Variants in BACH2 observed in about 807,000 individuals in gnomAD.
BACH2 encodes the protein transcription regulator protein BACH2.
A neutral mutation model predicts 61.8 loss-of-function variants in BACH2; 5 were observed. The observed-to-expected ratio is 0.08, with a 90% confidence interval of 0.04 to 0.17. The LOEUF (loss-of-function observed/expected upper bound fraction) is 0.17, where lower values mean the gene tolerates loss of function less well. Ranked by LOEUF, BACH2 falls within the 10% of genes least tolerant of loss-of-function variation. The probability of loss-of-function intolerance (pLI) is 1.00; values close to 1 mark genes in which losing one functional copy is unlikely to be tolerated. For missense variants in BACH2, 824 were observed against 1,091.1 expected, an observed-to-expected ratio of 0.76 and a Z score of 3.45; for synonymous variants, 446 against 440.1, an observed-to-expected ratio of 1.01 and a Z score of -0.17.
intron 3 of BACH2, among the ~76,000 whole-genome samples, chr6:90,216,036 C>T (rs1769524122): frequency 1.3e-5 from 2 of 152,188 alleles, no homozygotes; most frequent in African/African-American, 2.4e-5. Flanking sequence ...GAAGCAAAGA[C>T]AGCAAGAAAT....
At chr6:90,176,888 C>T (rs1768001351) in intron 4 of BACH2, among the ~76,000 whole-genome samples, 1 of 152,132 alleles carries the variant, frequency 6.6e-6, no homozygotes, top group African/African-American at 2.4e-5. Flanking sequence ...GACCCATATC[C>T]ACCCAGAGTA....
chr6:90,015,134 T>C lies in BACH2; in HGVS notation c.-12-6278A>G, dbSNP rs547440674. ...CTAATATGGGTTGAATCTGTACTGA[T>C]GCCACCTCTCATATTACTGATACTG... On this transcript the variant is annotated intron_variant, in intron 5 of 8. Coordinates refer to ENST00000257749, the MANE Select transcript of BACH2 (RefSeq NM_021813.4). 6.6e-5 allele frequency among the ~76,000 whole-genome samples: 10 copies of C among 152,286 alleles called. No homozygotes were observed. In the East Asian group the frequency reaches 1.7e-3, roughly 26 times the overall value.
At position 90,273,200 on chromosome 6, in the gene BACH2, G is replaced by GA. The variant is rs149568463; in HGVS notation, c.-445-1260dup. Among the ~76,000 whole-genome samples, 716 of 149,300 alleles carry GA rather than the reference G, an allele frequency of 4.8e-3. 2 individuals are homozygous for GA. The highest frequency in any genetic ancestry group is 0.016 in the African/African-American group (672 of 41,184). ...CATAACGAGTTCCTGTTTCTATGGG[G>GA]AAAAAAAATTAGCCAGGCATGGTGG... On this transcript the variant is annotated intron_variant, in intron 1 of 8. Coordinates refer to ENST00000257749, the MANE Select transcript of BACH2 (RefSeq NM_021813.4).
intron 4 of BACH2, among the ~76,000 whole-genome samples, chr6:90,111,348 C>T (rs979853241): frequency 3.9e-5 from 6 of 152,192 alleles, no homozygotes; most frequent in African/African-American, 1.4e-4. Context: ...CTCCACAGAG[C>T]AGCCAGATAA....
intron 4 of BACH2, among the ~76,000 whole-genome samples, chr6:90,104,676 G>A (rs1017261769): frequency 3.3e-5 from 5 of 152,144 alleles, no homozygotes; most frequent in Non-Finnish European, 5.9e-5. Flanking sequence ...CCTTTCCCTC[G>A]GTCCTTCCTC....
chr6:90,205,810 T>C (rs546431973), intron 4 of BACH2, among the ~76,000 whole-genome samples: 3 of 152,346 alleles, frequency 2.0e-5, no homozygotes, highest in Admixed American at 2.0e-4. Context: ...TTCCTTTTTC[T>C]GTGCCTCCAA....
chr6:90,068,039 T>C (rs1418684591), intron 5 of BACH2, among the ~76,000 whole-genome samples: 1 of 152,252 alleles, frequency 6.6e-6, no homozygotes. Flanking sequence ...TTGAGATCTC[T>C]GTGCATTCAG....
intron 4 of BACH2, among the ~76,000 whole-genome samples, chr6:90,105,733 T>A (rs1423707803): frequency 6.6e-6 from 1 of 152,138 alleles, no homozygotes; most frequent in Non-Finnish European, 1.5e-5. Context: ...TTTATGGGGG[T>A]GGCAATTCTA....
intron 1 of BACH2, among the ~76,000 whole-genome samples, 200 bp from the exon 2 acceptor site, chr6:90,272,141 C>T (rs748530127): frequency 2.0e-4 from 30 of 152,148 alleles, no homozygotes; most frequent in Non-Finnish European, 4.3e-4. Flanking sequence ...ATTTCACCTC[C>T]TCATGTCACC....
At chr6:90,262,530 C>G (rs1771195439) in intron 2 of BACH2, among the ~76,000 whole-genome samples, 2 of 152,138 alleles carry the variant, frequency 1.3e-5, no homozygotes, top group Non-Finnish European at 2.9e-5. Flanking sequence ...AGAGTAGGCA[C>G]TAAATGGATG....
chr6:90,172,494 C>T (rs1187279425), intron 4 of BACH2, among the ~76,000 whole-genome samples: 1 of 151,422 alleles, frequency 6.6e-6, no homozygotes, highest in Non-Finnish European at 1.5e-5. Flanking sequence ...CCAAATGCAT[C>T]CCAAGGATGT....
Position 90,126,179 on chromosome 6 carries a change from A to G in BACH2, c.-161-37070T>C, listed in dbSNP as rs556959219. Reference sequence around the variant, plus strand: ...GGAATTTGAGGACAAAAGGAGAAGCATGACTTTATAGAACAGGTTCTATGT... The same window carrying G: ...GGAATTTGAGGACAAAAGGAGAAGCGTGACTTTATAGAACAGGTTCTATGT... On this transcript the variant is annotated intron_variant, in intron 4 of 8. Transcript: ENST00000257749. Among the ~76,000 whole-genome samples the G allele has an allele frequency of 4.6e-5, 7 of 152,380 alleles. No homozygotes were observed. The South Asian group carries it at 1.2e-3, about 27-fold the overall frequency.
At chr6:90,148,650 A>G (rs1474746754) in intron 4 of BACH2, among the ~76,000 whole-genome samples, 1 of 152,150 alleles carries the variant, frequency 6.6e-6, no homozygotes, top group Non-Finnish European at 1.5e-5. Flanking sequence ...AAAGGATGTG[A>G]CCAAAAAGTG....
chr6:89,937,639 C>A (rs1157663916), intron 8 of BACH2, among the ~76,000 whole-genome samples: 1 of 152,154 alleles, frequency 6.6e-6, no homozygotes, highest in Non-Finnish European at 1.5e-5. Context: ...AAGTGATTAT[C>A]CTGCCTCAGC....
At chr6:90,072,785 A>G (rs890740601) in intron 5 of BACH2, among the ~76,000 whole-genome samples, 1 of 152,158 alleles carries the variant, frequency 6.6e-6, no homozygotes, top group African/African-American at 2.4e-5. Context: ...AACCCTAAAC[A>G]TCCCACCAGA....
intron 5 of BACH2, among the ~76,000 whole-genome samples, chr6:90,052,287 T>A (rs1780082598): frequency 6.6e-6 from 1 of 152,210 alleles, no homozygotes; most frequent in Non-Finnish European, 1.5e-5. Flanking sequence ...TCTCTATAGT[T>A]TTATTAGTTT....
At chr6:90,128,557 G>A (rs1208038640) in intron 4 of BACH2, among the ~76,000 whole-genome samples, 9 of 152,206 alleles carry the variant, frequency 5.9e-5, no homozygotes. Context: ...CTCCAGCCTG[G>A]TGGCAGGGCG....
At chr6:90,139,473 G>A (rs1203914576) in intron 4 of BACH2, among the ~76,000 whole-genome samples, 2 of 152,202 alleles carry the variant, frequency 1.3e-5, no homozygotes, top group African/African-American at 4.8e-5. Flanking sequence ...ACTACGTGGA[G>A]CTGTCTTCGC....
intron 4 of BACH2, among the ~76,000 whole-genome samples, chr6:90,147,524 A>C (rs1431068885): frequency 1.3e-5 from 2 of 152,126 alleles, no homozygotes; most frequent in Non-Finnish European, 2.9e-5. Flanking sequence ...ACCCTACAAC[A>C]GTAGTTTCAT....
Sources: gnomAD v4.1 joint callset for allele counts (sites outside exome capture counted in the v4.1 genomes callset) on GRCh38, gnomAD v4.1.1 for gene constraint, MANE v1.5 for transcripts, NCBI Gene and HGNC (gene_info 2026-07-23, HGNC 2026-07-21) for gene names.